Variants in ANKRD55 observed in about 807,000 individuals in gnomAD.
The protein encoded by ANKRD55 is ankyrin repeat domain-containing protein 55.
ANKRD55 carries 41 observed loss-of-function variants against 60.6 expected under a neutral mutation model. That is an observed-to-expected ratio of 0.68 (90% CI 0.53 to 0.88). The LOEUF is 0.88. Ranked by LOEUF, ANKRD55 falls within the 40% of genes least tolerant of loss-of-function variation. The pLI, the probability that ANKRD55 is intolerant of heterozygous loss-of-function variation, is 0.00. For synonymous variants in ANKRD55, 264 were observed against 290.3 expected (o/e 0.91, Z 0.92); for missense variants, 732 against 767.6 (o/e 0.95, Z 0.55).
chr5:56,218,558 A>G (rs1309661542), intron 2 of ANKRD55, among the ~76,000 whole-genome samples: 1 of 152,224 alleles, frequency 6.6e-6, no homozygotes, highest in Non-Finnish European at 1.5e-5. Context: ...AGGTATGCAC[A>G]TTTTTAGACA....
At chr5:56,208,714 C>A (rs1462961373) in intron 2 of ANKRD55, among the ~76,000 whole-genome samples, 4 of 152,154 alleles carry the variant, frequency 2.6e-5, no homozygotes, top group Admixed American at 2.6e-4. Context: ...TGAGCCACCG[C>A]GCCCAGTCCT....
chr5:56,137,456 A>G, intron 7 of ANKRD55: 1 of 816,022 alleles, frequency 1.2e-6, no homozygotes, highest in South Asian at 1.3e-5. Context: ...TTCCTAAACC[A>G]GAAGAGGAGA....
intron 2 of ANKRD55, among the ~76,000 whole-genome samples, chr5:56,197,780 A>C (rs1759261226): frequency 6.6e-6 from 1 of 152,228 alleles, no homozygotes; most frequent in South Asian, 2.1e-4. Context: ...AAAATAAACC[A>C]CTGATCGGCT....
chr5:56,176,139 C>A lies in ANKRD55; in HGVS notation c.312+13G>T. 6.2e-7 allele frequency: 1 copy of A among 1,613,708 alleles called. No individual in the cohort carries two copies. Among genetic ancestry groups the A allele is most frequent in the Non-Finnish European group, 8.5e-7 (1 of 1,179,786 alleles). On this transcript the variant is annotated intron_variant, in intron 4 of 11. Transcript: ENST00000341048. Reference sequence around the variant, plus strand: ...CCTGCTCCTTCCACCCTGTGACAGGCACAAGTCAGTACCAGGTAGGTGGCC... The same window carrying A: ...CCTGCTCCTTCCACCCTGTGACAGGAACAAGTCAGTACCAGGTAGGTGGCC...
At chr5:56,175,260 C>T (rs1758713628) in intron 4 of ANKRD55, among the ~76,000 whole-genome samples, 1 of 152,184 alleles carries the variant, frequency 6.6e-6, no homozygotes, top group Non-Finnish European at 1.5e-5. Flanking sequence ...CAGCAGGACA[C>T]CCTCAATGGG....
In ANKRD55 at chr5:56,111,291, C is replaced by G; in HGVS notation, c.1457G>C (p.Cys486Ser). The G allele has an allele frequency of 6.2e-7, 1 of 1,614,154 alleles. No individual in the cohort carries two copies. Among genetic ancestry groups the G allele is most frequent in the Non-Finnish European group, 8.5e-7 (1 of 1,180,028 alleles). Residue 486 changes from cysteine to serine, a missense_variant, in exon 10 of 12, where the codon TGC becomes TCC. Around this residue, in one of 3 missense-constraint regions of ANKRD55, gnomAD observed 597 missense variants for 607.5 expected, o/e 0.98. Transcript: ENST00000341048. ...CCAGGGGTTATCTAGTAACATCTGG[C>G]AGCCAGTTCTGTTATTTAATAAATC... ...EQDLLNNRTG[C>S]QMLLDNPWKS... is the part of the protein sequence containing the mutation.
chr5:56,168,105 C>A (rs915801522), intron 5 of ANKRD55, among the ~76,000 whole-genome samples: 13 of 152,156 alleles, frequency 8.5e-5, no homozygotes, highest in Non-Finnish European at 1.6e-4. Flanking sequence ...CCCCAGAGCA[C>A]CTTATAACCA....
chr5:56,166,086 T>TTCTTCTTTCTTTCTTTCTTTC (rs1554040773), intron 5 of ANKRD55, among the ~76,000 whole-genome samples: 3 of 91,772 alleles, frequency 3.3e-5, no homozygotes, highest in African/African-American at 1.1e-4. Context: ...TTTCTTTTCT[T>TTCTTCTTTCTTTCTTTCTTTC]TTTCTTTCTT....
intron 10 of ANKRD55, chr5:56,108,384 G>T (rs963428225): frequency 2.6e-4 from 40 of 152,304 alleles, no homozygotes; most frequent in African/African-American, 9.6e-4. Flanking sequence ...AACAGGATGG[G>T]TTGAGGCCCT....
chr5:56,109,262 G>GACTGA (rs1488690616), intron 10 of ANKRD55, among the ~76,000 whole-genome samples: 3 of 152,150 alleles, frequency 2.0e-5, no homozygotes, highest in Admixed American at 6.5e-5. Context: ...GTGTGGACTG[G>GACTGA]ACTGAACTGA....
intron 2 of ANKRD55, among the ~76,000 whole-genome samples, chr5:56,185,147 C>T (rs867257737): frequency 1.3e-5 from 2 of 151,916 alleles, no homozygotes; most frequent in South Asian, 2.1e-4. Context: ...TGCTTGAACC[C>T]GGGAGGCAGA....
intron 6 of ANKRD55, among the ~76,000 whole-genome samples, chr5:56,144,541 G>C (rs931654299): frequency 4.7e-5 from 7 of 149,304 alleles, no homozygotes; most frequent in Non-Finnish European, 1.0e-4. Context: ...AATGAGGTTG[G>C]AGAGGGAGGC....
chr5:56,172,689 G>A (rs1758637983), intron 4 of ANKRD55, among the ~76,000 whole-genome samples: 1 of 151,866 alleles, frequency 6.6e-6, no homozygotes, highest in Admixed American at 6.6e-5. Context: ...ACTATGTGCT[G>A]GCTGATTCCC....
intron 10 of ANKRD55, 90 bp downstream of exon 10, chr5:56,111,028 C>A: frequency 7.0e-7 from 1 of 1,437,028 alleles, no homozygotes; most frequent in Admixed American, 2.1e-5. Flanking sequence ...GCCTTCTAGG[C>A]TATTGTCACT....
rs575026186 is a variant in ANKRD55, at chr5:56,113,504, G to A, written c.966-1722C>T. On this transcript the variant is annotated intron_variant, in intron 9 of 11. Coordinates refer to ENST00000341048, the MANE Select transcript of ANKRD55 (RefSeq NM_024669.3). Reference sequence around the variant, plus strand: ...TATACGGAGGTGTGATGATTGTCTTGGGGTAAAGCAGCTGTGCAATTGTTT... The same window carrying A: ...TATACGGAGGTGTGATGATTGTCTTAGGGTAAAGCAGCTGTGCAATTGTTT... Among the ~76,000 whole-genome samples, 32 of 152,238 alleles carry A rather than the reference G, an allele frequency of 2.1e-4. No homozygotes were observed. The South Asian group carries it at 4.8e-3, about 23-fold the overall frequency.
rs140006629 is a variant in ANKRD55, at chr5:56,123,569, T to C, written c.797+3353A>G. ...AACAGGACGGGTCCCCAGCAGATTATGTCCTCCCATTTAGACAGTGTATTG... is the reference window on the plus strand; with the variant it reads ...AACAGGACGGGTCCCCAGCAGATTACGTCCTCCCATTTAGACAGTGTATTG... On this transcript the variant is annotated intron_variant, in intron 8 of 11. Transcript: ENST00000341048. Among the ~76,000 whole-genome samples, 39 of 152,240 alleles carry C rather than the reference T, an allele frequency of 2.6e-4. No homozygotes were observed. The East Asian group carries it at 6.9e-3, about 27-fold the overall frequency.
intron 2 of ANKRD55, among the ~76,000 whole-genome samples, chr5:56,214,231 T>C (rs975303485): frequency 5.9e-5 from 9 of 152,176 alleles, no homozygotes; most frequent in African/African-American, 2.2e-4. Context: ...AGCCAAACAA[T>C]ATCAGGGTGC....
intron 6 of ANKRD55, among the ~76,000 whole-genome samples, chr5:56,159,172 A>T (rs1158579348): frequency 6.6e-6 from 1 of 151,498 alleles, no homozygotes; most frequent in Non-Finnish European, 1.5e-5. Context: ...ACGAGAGAGC[A>T]TGTCTTAGGC....
At chr5:56,128,599 CT>C (rs1247682705) in intron 7 of ANKRD55, among the ~76,000 whole-genome samples, 1 of 152,196 alleles carries the variant, frequency 6.6e-6, no homozygotes, top group Non-Finnish European at 1.5e-5. Flanking sequence ...TTGTATTTTA[CT>C]TTTCTTTGTA....
Sources: gnomAD v4.1 joint callset for allele counts (sites outside exome capture counted in the v4.1 genomes callset) on GRCh38, gnomAD v4.1.1 for gene constraint, gnomAD v4.1.1 regional missense constraint, MANE v1.5 for transcripts, NCBI Gene and HGNC (gene_info 2026-07-23, HGNC 2026-07-21) for gene names.